The following SLC39A8 variants were observed in gnomAD, a reference collection of about 807,000 sequenced individuals.
SLC39A8 encodes the protein solute carrier family 39 member 8.
In SLC39A8, 15 loss-of-function variants were observed where a neutral mutation model predicts 40.4. The ratio of observed to expected loss-of-function variants is 0.37; its 90% CI spans 0.25 to 0.57. SLC39A8 has a LOEUF of 0.57. Among genes scored for constraint, SLC39A8 ranks in the 20% least tolerant of loss-of-function variants. The probability of loss-of-function intolerance (pLI) is 0.75; values close to 1 mark genes in which losing one functional copy is unlikely to be tolerated. For missense variants in SLC39A8, 472 were observed against 558.8 expected, an observed-to-expected ratio of 0.84 and a Z score of 1.57; for synonymous variants, 223 against 221.6, an observed-to-expected ratio of 1.01 and a Z score of -0.06.
intron 8 of SLC39A8, among the ~76,000 whole-genome samples, chr4:102,266,686 C>T (rs1029692065): frequency 6.6e-6 from 1 of 151,956 alleles, no homozygotes; most frequent in Non-Finnish European, 1.5e-5. Flanking sequence ...CGGCTCACAG[C>T]AACCTCTGCC....
At chr4:102,342,814 T>C (rs1485742837) in intron 2 of SLC39A8, among the ~76,000 whole-genome samples, 1 of 152,034 alleles carries the variant, frequency 6.6e-6, no homozygotes, top group African/African-American at 2.4e-5. Context: ...TGTGGGGAGG[T>C]CTTTTGCCCC....
chr4:102,342,449 G>C (rs899584487), intron 2 of SLC39A8, among the ~76,000 whole-genome samples: 1 of 152,180 alleles, frequency 6.6e-6, no homozygotes, highest in Admixed American at 6.5e-5. Flanking sequence ...GGTGAACTGA[G>C]ATCGTGCCAT....
At chr4:102,291,248 A>C (rs1328582145) in intron 6 of SLC39A8, among the ~76,000 whole-genome samples, 1 of 152,010 alleles carries the variant, frequency 6.6e-6, no homozygotes, top group Non-Finnish European at 1.5e-5. Context: ...GAGTAGCTAC[A>C]TGTAACTTTA....
chr4:102,290,288 A>G (rs375631921), intron 6 of SLC39A8, among the ~76,000 whole-genome samples: 2 of 152,312 alleles, frequency 1.3e-5, no homozygotes, highest in Admixed American at 1.3e-4. Context: ...ACTATAGTGT[A>G]GTGAAAACAT....
chr4:102,298,026 C>G (rs573469336), intron 6 of SLC39A8, among the ~76,000 whole-genome samples: 2 of 152,014 alleles, frequency 1.3e-5, no homozygotes, highest in South Asian at 4.1e-4. Flanking sequence ...ACAAAGGGGA[C>G]AGTGGAGAGA....
rs139676330 is a variant in SLC39A8 at position 102,311,644 on chromosome 4, C to T, written c.382+4024G>A. On this transcript the variant is annotated intron_variant, in intron 3 of 8. Transcript: ENST00000356736. ...AGACCATTAAATTATTACTAAAATG[C>T]AATTAATTTCTCTCCTAGAGAATTT... Among the ~76,000 whole-genome samples, 41 of 152,170 alleles carry T rather than the reference C, an allele frequency of 2.7e-4. No homozygotes were observed. The East Asian group carries it at 7.6e-3, about 28-fold the overall frequency.
chr4:102,264,888 T>C (rs1371606250), intron 8 of SLC39A8, among the ~76,000 whole-genome samples: 4 of 152,248 alleles, frequency 2.6e-5, no homozygotes, highest in Non-Finnish European at 2.9e-5. Flanking sequence ...TAAGCCATCA[T>C]AGAATTGAAG....
At chr4:102,257,179 G>T (rs1327342488), downstream of SLC39A8, among the ~76,000 whole-genome samples, 1 of 150,762 alleles carries the variant, frequency 6.6e-6, no homozygotes, top group African/African-American at 2.4e-5. Flanking sequence ...TTCCAAGATG[G>T]AGTCTTGCTC....
chr4:102,266,844 G>A (rs937659660), intron 8 of SLC39A8, among the ~76,000 whole-genome samples: 1 of 152,052 alleles, frequency 6.6e-6, no homozygotes, highest in Non-Finnish European at 1.5e-5. Context: ...TTGACCTTGT[G>A]ATCCGCCCGC....
intron 6 of SLC39A8, among the ~76,000 whole-genome samples, chr4:102,289,758 G>T (rs1733340490): frequency 6.6e-6 from 1 of 152,156 alleles, no homozygotes; most frequent in African/African-American, 2.4e-5. Flanking sequence ...CTTGAAGATG[G>T]AAGTGAATTG....
At chr4:102,267,024 T>C (rs1732133872) in intron 8 of SLC39A8, among the ~76,000 whole-genome samples, 1 of 152,244 alleles carries the variant, frequency 6.6e-6, no homozygotes, top group Admixed American at 6.5e-5. Flanking sequence ...CCAATTTTAG[T>C]GTACCAGTTT....
intron 6 of SLC39A8, among the ~76,000 whole-genome samples, chr4:102,288,058 A>T (rs1346810223): frequency 6.6e-6 from 1 of 152,060 alleles, no homozygotes; most frequent in Non-Finnish European, 1.5e-5. Context: ...TTTTTCCTGC[A>T]CTTCACTTTA....
chr4:102,268,454 C>A (rs954515445), intron 6 of SLC39A8, among the ~76,000 whole-genome samples: 1 of 152,106 alleles, frequency 6.6e-6, no homozygotes, highest in African/African-American at 2.4e-5. Flanking sequence ...AACTTAAAGT[C>A]TTTTTTATGT....
chr4:102,263,285 G>A, intron 8 of SLC39A8, 92 bp from the exon 9 acceptor site: 1 of 1,139,232 alleles, frequency 8.8e-7, no homozygotes, highest in Non-Finnish European at 1.3e-6. Flanking sequence ...GACAGTGTGG[G>A]TTTGGTTCCA....
chr4:102,266,614 ACT>A (rs753473672), intron 8 of SLC39A8, among the ~76,000 whole-genome samples: 2 of 145,620 alleles, frequency 1.4e-5, no homozygotes, highest in Non-Finnish European at 1.5e-5. Context: ...ACACATGCAC[ACT>A]CTTTTTTTTT....
At chr4:102,321,015 T>C (rs1390726845) in intron 2 of SLC39A8, among the ~76,000 whole-genome samples, 1 of 151,792 alleles carries the variant, frequency 6.6e-6, no homozygotes. Flanking sequence ...AGGTATAATA[T>C]TGATGGGAGA....
chr4:102,344,821 G>T lies in SLC39A8; in HGVS notation c.-159C>A. The stretch of plus-strand genomic sequence containing the variant: ...ACGCCCCTGGTTCTCCGACGCCTTC[G>T]AAAGAACAGCAGCTCGCGACCTGCG... On this transcript the variant is annotated 5_prime_UTR_variant, in exon 2 of 9. It introduces an in-frame stop codon into an upstream open reading frame of the 5' UTR. Transcript: ENST00000356736. 7.6e-7 allele frequency: 1 copy of T among 1,321,864 alleles called. No homozygotes were observed. Among genetic ancestry groups the T allele is most frequent in the Non-Finnish European group, 9.6e-7 (1 of 1,040,900 alleles). 81.9% of individuals were successfully genotyped at this position (1,321,864 alleles called of 1,614,324 possible).
chr4:102,338,719 T>C (rs1735786398), intron 2 of SLC39A8, among the ~76,000 whole-genome samples: 1 of 152,212 alleles, frequency 6.6e-6, no homozygotes, highest in African/African-American at 2.4e-5. Flanking sequence ...GCATAGTGTG[T>C]AAGACTGCCT....
At chr4:102,326,193 C>A (rs1735191029) in intron 2 of SLC39A8, among the ~76,000 whole-genome samples, 1 of 152,220 alleles carries the variant, frequency 6.6e-6, no homozygotes, top group Non-Finnish European at 1.5e-5. Context: ...GGGTTTCCCA[C>A]TCAGTCCTTC....
Sources: allele counts gnomAD v4.1 joint callset (sites outside exome capture counted in the v4.1 genomes callset), GRCh38; gene constraint gnomAD v4.1.1; transcripts MANE v1.5; gene names NCBI Gene and HGNC (gene_info 2026-07-23, HGNC 2026-07-21).